MYLK3: variants seen among roughly 807,000 people sequenced by gnomAD.
MYLK3 encodes the protein MLC kinase.
MYLK3 carries 55 observed loss-of-function variants against 76.3 expected under a neutral mutation model. The ratio of observed to expected loss-of-function variants is 0.72; its 90% CI spans 0.58 to 0.90. MYLK3 has a LOEUF of 0.90. MYLK3 is among the 40% of genes least tolerant of loss of function. The pLI is 0.00. For missense variants in MYLK3, 973 were observed against 1,053.6 expected (o/e 0.92, Z 1.06); for synonymous variants, 416 against 425.4 (o/e 0.98, Z 0.27).
intron 10 of MYLK3, 86 bp downstream of exon 10, chr16:46,712,562 G>C: frequency 7.7e-7 from 1 of 1,299,060 alleles, no homozygotes; most frequent in Non-Finnish European, 1.0e-6. Flanking sequence ...TAGACTACTT[G>C]TGCTCAAAAT....
At chr16:46,733,305 T>C (rs554825662) in intron 3 of MYLK3, among the ~76,000 whole-genome samples, 1 of 152,266 alleles carries the variant, frequency 6.6e-6, no homozygotes, top group Admixed American at 6.5e-5. Flanking sequence ...CAGTGAGCTA[T>C]GATCATACCA....
At chr16:46,751,743 TG>T, upstream of MYLK3, among the ~76,000 whole-genome samples, 1 of 152,344 alleles carries the variant, frequency 6.6e-6, no homozygotes, top group East Asian at 1.9e-4. Context: ...CGGGGCCCTC[TG>T]GGAGAAAGCC....
intron 10 of MYLK3, chr16:46,711,060 A>G (rs1966678386): frequency 2.2e-6 from 1 of 448,510 alleles, no homozygotes; most frequent in Non-Finnish European, 4.1e-6. Context: ...TGAAGTAAAG[A>G]GTAAAATTAG....
chr16:46,738,825 G>T lies in MYLK3; in HGVS notation c.569-682C>A, dbSNP rs540192627. Among the ~76,000 whole-genome samples the T allele has an allele frequency of 2.9e-4, 44 of 152,264 alleles. No individual in the cohort carries two copies. The South Asian group carries it at 7.7e-3, about 27-fold the overall frequency. On this transcript the variant is annotated intron_variant, in intron 2 of 12. Coordinates refer to ENST00000394809, the MANE Select transcript of MYLK3 (RefSeq NM_182493.3). Reference sequence around the variant, plus strand: ...CAGGGTGCAGAGAACAAAGGTAGAAGATAGACTTCTCTTTTATTTGTTTTT... The same window carrying T: ...CAGGGTGCAGAGAACAAAGGTAGAATATAGACTTCTCTTTTATTTGTTTTT...
rs767786460 is a variant in MYLK3, at chr16:46,710,800, G to A, written c.2115-11C>T. 1.2e-6 allele frequency: 2 copies of A among 1,614,016 alleles called. No homozygotes were observed. The highest frequency in any genetic ancestry group is 2.2e-5 in the East Asian group (1 of 44,886). ...GACAAGCCACTGAGTCTATAGAAGA[G>A]AGAAAGGACCATCAGTAGGTGGAGG... On this transcript the variant is annotated splice_polypyrimidine_tract_variant and intron_variant, in intron 10 of 12. Coordinates refer to ENST00000394809, the MANE Select transcript of MYLK3 (RefSeq NM_182493.3).
upstream of MYLK3, among the ~76,000 whole-genome samples, chr16:46,749,932 T>C (rs1339228537): frequency 1.3e-5 from 2 of 152,152 alleles, no homozygotes; most frequent in African/African-American, 4.8e-5. Context: ...TGGGTGTCAT[T>C]GGTGGAATGA....
chr16:46,755,906 C>CTTTTTTTTTTT (rs772833701), intron 1 of MYLK3, among the ~76,000 whole-genome samples: 11 of 109,732 alleles, frequency 1.0e-4, no homozygotes, highest in South Asian at 2.8e-4. Context: ...TTTTTTCTTT[C>CTTTTTTTTTTT]TTTTTTTTTT....
intron 1 of MYLK3, among the ~76,000 whole-genome samples, chr16:46,742,266 T>A (rs1966943273): frequency 6.6e-6 from 1 of 151,750 alleles, no homozygotes; most frequent in Non-Finnish European, 1.5e-5. Flanking sequence ...TCTTTAAAAA[T>A]CTGAGGATGG....
At position 46,703,072 on chromosome 16, in the gene MYLK3, C is replaced by A. The variant is rs1011054054; in HGVS notation, c.*4632G>T. Among the ~76,000 whole-genome samples, 1 of 151,938 alleles carries A rather than the reference C, an allele frequency of 6.6e-6. No homozygotes were observed. Among genetic ancestry groups the A allele is most frequent in the Non-Finnish European group, 1.5e-5 (1 of 67,992 alleles). On this transcript the variant is annotated 3_prime_UTR_variant, in exon 13 of 13. Coordinates refer to ENST00000394809, the MANE Select transcript of MYLK3 (RefSeq NM_182493.3). ...ACTGTTAAGTTTCTTGCATATCCTACGGTTTTTTAATGCACATATAAGCAT... is the reference window on the plus strand; with the variant it reads ...ACTGTTAAGTTTCTTGCATATCCTAAGGTTTTTTAATGCACATATAAGCAT...
chr16:46,738,140 C>A lies in MYLK3; in HGVS notation c.572G>T (p.Ser191Ile). The A allele has an allele frequency of 6.6e-7, 1 of 1,526,372 alleles. No individual in the cohort carries two copies. Among genetic ancestry groups the A allele is most frequent in the Admixed American group, 2.0e-5 (1 of 50,306 alleles). 94.6% of individuals were successfully genotyped at this position (1,526,372 alleles called of 1,614,324 possible). ...CCCCTCCAGCACGTCCGCCTTCTGG[C>A]TCTCTACAGGAAAACAGGCAGGACA... ...QSDAREPGEESQKADVLEGTA... is the reference protein window; with the variant it reads ...QSDAREPGEEIQKADVLEGTA... The change falls in exon 3 of 13, where the codon AGC becomes ATC. Residue 191 changes from serine to isoleucine, a missense_variant. This residue lies in a region of MYLK3 where 641 missense variants were observed against 637.0 expected (regional missense o/e 1.01). Coordinates refer to ENST00000394809, the MANE Select transcript of MYLK3 (RefSeq NM_182493.3).
chr16:46,747,655 G>A (rs1473194097), intron 1 of MYLK3, 62 bp downstream of exon 1: 1 of 1,501,216 alleles, frequency 6.7e-7, no homozygotes, highest in Non-Finnish European at 9.1e-7. Flanking sequence ...CTGGCTGCCT[G>A]GCCAGTCTCC....
At chr16:46,758,767 T>C (rs1967238871) in intron 1 of MYLK3, among the ~76,000 whole-genome samples, 1 of 152,136 alleles carries the variant, frequency 6.6e-6, no homozygotes. Context: ...GTAAAACCAT[T>C]GCCCTTGTAA....
upstream of MYLK3, among the ~76,000 whole-genome samples, chr16:46,751,529 A>G (rs1260346236): frequency 6.6e-6 from 1 of 152,242 alleles, no homozygotes; most frequent in African/African-American, 2.4e-5. Flanking sequence ...CTGAGGGCAG[A>G]CCAAGCCTCT....
chr16:46,757,302 T>G, intron 1 of MYLK3: 1 of 903,880 alleles, frequency 1.1e-6, no homozygotes, highest in Non-Finnish European at 1.3e-6. Flanking sequence ...GCTGACTTTC[T>G]TGGCGCAAGA....
intron 1 of MYLK3, chr16:46,763,002 C>T (rs368904601): frequency 2.0e-6 from 2 of 979,580 alleles, no homozygotes; most frequent in Non-Finnish European, 2.4e-6. Flanking sequence ...AACACCCCCC[C>T]ACACACACAC....
chr16:46,747,980 C>A lies in MYLK3; in HGVS notation c.214G>T (p.Ala72Ser). The change falls in exon 1 of 13, where the codon GCA becomes TCA. Residue 72 changes from alanine (A) to serine (S), a missense_variant. By Grantham distance (99) the Ala-to-Ser change is moderately conservative. Around this residue, in one of 2 missense-constraint regions of MYLK3, gnomAD observed 641 missense variants for 637.0 expected, o/e 1.01. Coordinates refer to ENST00000394809, the MANE Select transcript of MYLK3 (RefSeq NM_182493.3). Reference sequence around the variant, plus strand: ...CCATCAGCCCCGCCCGGGCCCGGTGCCCGGGAGGCCTCCAGCCTGTGCAGG... The same window carrying A: ...CCATCAGCCCCGCCCGGGCCCGGTGACCGGGAGGCCTCCAGCCTGTGCAGG... ...RGLHRLEASR[A>S]PGPGGADGVP... 6.2e-7 allele frequency: 1 copy of A among 1,613,248 alleles called. No homozygotes were observed.
intron 1 of MYLK3, among the ~76,000 whole-genome samples, chr16:46,743,432 G>A (rs1418948925): frequency 6.6e-6 from 1 of 152,138 alleles, no homozygotes; most frequent in Non-Finnish European, 1.5e-5. Flanking sequence ...TCAGTTCACC[G>A]CTCATTCTCT....
In MYLK3 at chr16:46,703,056, T is replaced by A. The variant is rs924324583; in HGVS notation, c.*4648A>T. 4.6e-5 allele frequency among the ~76,000 whole-genome samples: 7 copies of A among 152,076 alleles called. No individual in the cohort carries two copies. Among genetic ancestry groups the A allele is most frequent in the Non-Finnish European group, 1.0e-4 (7 of 68,012 alleles). On this transcript the variant is annotated 3_prime_UTR_variant, in exon 13 of 13. Coordinates refer to ENST00000394809, the MANE Select transcript of MYLK3 (RefSeq NM_182493.3). ...CCACTTTTCACACTCCACTGTTAAGTTTCTTGCATATCCTACGGTTTTTTA... is the reference window on the plus strand; with the variant it reads ...CCACTTTTCACACTCCACTGTTAAGATTCTTGCATATCCTACGGTTTTTTA...
upstream of MYLK3, among the ~76,000 whole-genome samples, chr16:46,753,094 G>A (rs1384204390): frequency 6.6e-6 from 1 of 152,280 alleles, no homozygotes; most frequent in Non-Finnish European, 1.5e-5. Flanking sequence ...GAGGTAACTG[G>A]AGAAACAAGA....
Sources: gnomAD v4.1 joint callset for allele counts (sites outside exome capture counted in the v4.1 genomes callset) on GRCh38, gnomAD v4.1.1 for gene constraint, gnomAD v4.1.1 regional missense constraint, MANE v1.5 for transcripts, NCBI Gene and HGNC (gene_info 2026-07-23, HGNC 2026-07-21) for gene names.